NBPF15: variants seen among roughly 807,000 people sequenced by gnomAD.
The protein encoded by NBPF15 is NBPF family member NBPF15.
In NBPF15, 74 loss-of-function variants were observed where a neutral mutation model predicts 62.2. The ratio of observed to expected loss-of-function variants is 1.19; its 90% confidence interval spans 0.99 to 1.44. NBPF15 has a LOEUF of 1.44. Ranked by LOEUF, NBPF15 falls within the 40% of genes most tolerant of loss-of-function variation. NBPF15 has a pLI of 0.00. For missense variants in NBPF15, 790 were observed against 550.0 expected (o/e 1.44, Z -4.36); for synonymous variants, 244 against 209.7 (o/e 1.16, Z -1.41).
chr1:144,428,535 A>G (rs1553539748), intron 15 of NBPF15, 71 bp downstream of exon 15: 2 of 684,248 alleles, frequency 2.9e-6, no homozygotes, highest in East Asian at 2.6e-5. Context: ...TTCAGCATGT[A>G]CTGTTTTCCC....
intron 18 of NBPF15, 116 bp downstream of exon 18, chr1:144,426,162 G>A: frequency 3.1e-6 from 2 of 655,116 alleles, no homozygotes; most frequent in Non-Finnish European, 5.4e-6. Flanking sequence ...TGCGCCCATA[G>A]GTCCTGCCTG....
rs1233008837 is a variant in NBPF15, at chr1:144,438,376, T to A, written c.176-329A>T. On this transcript the variant is annotated intron_variant, in intron 8 of 21. Coordinates refer to ENST00000581897, the MANE Select transcript of NBPF15 (RefSeq NM_001385408.1). ...CTTTCCCAAGCCTTGCAGCCTCTCC[T>A]CTAAAACACTGCACTGGGGCATGAA... is the stretch of plus-strand genomic sequence containing the variant. Among the ~76,000 whole-genome samples, 9 of 151,990 alleles carry A rather than the reference T, an allele frequency of 5.9e-5. No homozygotes were observed. The East Asian group carries it at 1.7e-3, about 29-fold the overall frequency.
chr1:144,447,840 C>T (rs12409086), intron 6 of NBPF15, among the ~76,000 whole-genome samples: 2 of 152,162 alleles, frequency 1.3e-5, no homozygotes, highest in Admixed American at 6.5e-5. Flanking sequence ...GGCATTGGGG[C>T]TGGTACAGCC....
chr1:144,456,716 C>G lies in NBPF15; in HGVS notation c.-611G>C. On this transcript the variant is annotated 5_prime_UTR_variant, in exon 4 of 22. Transcript: ENST00000581897. ...ACACAGCACTGAAGCTCCAGGACAC[C>G]CTCAGGAGGACGGTAAGGGACGGTA... 1 of 1,241,228 alleles carries G rather than the reference C, an allele frequency of 8.1e-7. No homozygotes were observed. The highest frequency in any genetic ancestry group is 1.0e-6 in the Non-Finnish European group (1 of 971,066). 76.9% of individuals were successfully genotyped at this position (1,241,228 alleles called of 1,614,324 possible). A position where few individuals can be genotyped will look rare whatever the true frequency, so the allele number is the denominator to read the frequency against.
chr1:144,428,067 A>C (rs1671133631), intron 15 of NBPF15, 77 bp from the exon 16 acceptor site: 4 of 781,716 alleles, frequency 5.1e-6, no homozygotes, highest in South Asian at 4.1e-5. Context: ...TTTCATGGCT[A>C]ACATAAGGAA....
Position 144,427,817 on chromosome 1 carries a change from C to A in NBPF15, c.1213+1G>T, listed in dbSNP as rs1670888772. 2 of 716,500 alleles carry A rather than the reference C, an allele frequency of 2.8e-6. No individual in the cohort carries two copies. The highest frequency in any genetic ancestry group is 4.0e-5 in the Admixed American group (2 of 49,898). The allele number at this position is 716,500 out of a possible 1,614,324, so 44.4% of individuals were successfully genotyped here. ...TATCACCTTCATAGAAAGGTACTCA[C>A]CATCCATGTCAATAGCCAAGCCAAC... On this transcript the variant is annotated splice_donor_variant, in intron 16 of 21. Transcript: ENST00000581897. LOFTEE classifies it high-confidence loss of function.
rs1278194293 is a variant in NBPF15, at chr1:144,442,340, A to G, written c.-190-2045T>C. ...TATTATATATATATACACGTGTGCCATGTATATATATATACACATATATAC... is the reference window on the plus strand; with the variant it reads ...TATTATATATATATACACGTGTGCCGTGTATATATATATACACATATATAC... On this transcript the variant is annotated intron_variant, in intron 6 of 21. Coordinates refer to ENST00000581897, the MANE Select transcript of NBPF15 (RefSeq NM_001385408.1). 6.1e-5 allele frequency among the ~76,000 whole-genome samples: 8 copies of G among 130,264 alleles called. No individual in the cohort carries two copies. In the East Asian group the frequency reaches 1.5e-3, roughly 24 times the overall value. The allele number at this position is 130,264 out of a possible 152,430, so 85.5% of individuals were successfully genotyped here. A position where few individuals can be genotyped will look rare whatever the true frequency, so the allele number is the denominator to read the frequency against.
chr1:144,437,369 C>T (rs1486173579), intron 9 of NBPF15, among the ~76,000 whole-genome samples: 6 of 150,270 alleles, frequency 4.0e-5, no homozygotes, highest in African/African-American at 1.5e-4. Context: ...TAGGTGTCTT[C>T]CTAATTCCGT....
rs782296206 is a variant in NBPF15, at chr1:144,423,110, T to G, written c.1916A>C (p.His639Pro). Residue 639 changes from histidine to proline, a missense_variant, in exon 22 of 22, where the codon CAT becomes CCT. His to Pro is a moderately conservative substitution (Grantham distance 77). Transcript: ENST00000581897. Reference sequence around the variant, plus strand: ...GTCCACGTAAAGGGCGAAGCTGATATGCTCTTCCTCAAATGAGTAAAACAC... The same window carrying G: ...GTCCACGTAAAGGGCGAAGCTGATAGGCTCTTCCTCAAATGAGTAAAACAC... ...RSVFYSFEEE[H>P]ISFALYVDNR... 2 of 1,611,648 alleles carry G rather than the reference T, an allele frequency of 1.2e-6. No individual in the cohort carries two copies. Among genetic ancestry groups the G allele is most frequent in the Non-Finnish European group, 1.7e-6 (2 of 1,179,630 alleles).
At chr1:144,451,625 A>G (rs1691233934) in intron 4 of NBPF15, among the ~76,000 whole-genome samples, 2 of 151,762 alleles carry the variant, frequency 1.3e-5, no homozygotes, top group African/African-American at 2.4e-5. Context: ...ATGACTCTTA[A>G]CAAGCATGCT....
chr1:144,436,687 AGGG>A (rs1678679505), intron 10 of NBPF15, among the ~76,000 whole-genome samples: 2 of 151,976 alleles, frequency 1.3e-5, no homozygotes. Flanking sequence ...CCTTCCATCA[AGGG>A]AGGAGGGACA....
Position 144,427,705 on chromosome 1 carries a change from T to C in NBPF15, c.1213+113A>G. On this transcript the variant is annotated intron_variant, in intron 16 of 21. Transcript: ENST00000581897. ...CATTCAACCTACATGTGCCTATAGG[T>C]CCTCCCTGTGGCAATGACATCTCTC... 3 of 617,144 alleles carry C rather than the reference T, an allele frequency of 4.9e-6. No homozygotes were observed. In the East Asian group the frequency reaches 8.2e-5, roughly 17 times the overall value. The allele number at this position is 617,144 out of a possible 1,614,324, so 38.2% of individuals were successfully genotyped here.
intron 15 of NBPF15, 46 bp from the exon 16 acceptor site, chr1:144,428,036 A>T (rs1553539655): frequency 1.3e-6 from 1 of 778,416 alleles, no homozygotes; most frequent in Non-Finnish European, 2.4e-6. Flanking sequence ...GGGAATCAGA[A>T]ACCACACAGT....
At chr1:144,455,813 T>A (rs1362175925) in intron 4 of NBPF15, among the ~76,000 whole-genome samples, 3 of 151,892 alleles carry the variant, frequency 2.0e-5, no homozygotes, top group Non-Finnish European at 4.4e-5. Context: ...GGTAGTGACC[T>A]GAGATTTACT....
chr1:144,431,631 A>C (rs1674399959), intron 13 of NBPF15, among the ~76,000 whole-genome samples: 3 of 109,470 alleles, frequency 2.7e-5, no homozygotes, highest in African/African-American at 7.6e-5. Flanking sequence ...TCCTAATGCT[A>C]CCCCTCCTCC....
At chr1:144,455,277 G>A (rs1693762963) in intron 4 of NBPF15, among the ~76,000 whole-genome samples, 1 of 150,878 alleles carries the variant, frequency 6.6e-6, no homozygotes, top group Admixed American at 6.6e-5. Context: ...GGAAGGGAGA[G>A]AAGTAGGGAA....
intron 5 of NBPF15, among the ~76,000 whole-genome samples, chr1:144,450,412 T>G (rs1192695115): frequency 6.6e-6 from 1 of 152,072 alleles, no homozygotes; most frequent in South Asian, 2.1e-4. Flanking sequence ...GTCTCCCCGC[T>G]GACAGCCAGC....
chr1:144,435,011 G>A, intron 12 of NBPF15, 100 bp downstream of exon 12: 1 of 1,607,006 alleles, frequency 6.2e-7, no homozygotes, highest in Non-Finnish European at 8.5e-7. Context: ...ACCCATCACA[G>A]TTTTTTATTC....
intron 6 of NBPF15, among the ~76,000 whole-genome samples, chr1:144,447,854 C>T (rs1224952441): frequency 9.2e-5 from 14 of 152,006 alleles, no homozygotes; most frequent in Non-Finnish European, 1.5e-4. Flanking sequence ...TACAGCCTCG[C>T]TCAATTATGG....
Sources: allele counts gnomAD v4.1 joint callset (sites outside exome capture counted in the v4.1 genomes callset), GRCh38; gene constraint gnomAD v4.1.1; transcripts MANE v1.5; gene names NCBI Gene and HGNC (gene_info 2026-07-23, HGNC 2026-07-21).